Variants in NIBAN1 observed in about 807,000 individuals in gnomAD.
NIBAN1 encodes the protein protein Niban 1.
In NIBAN1, 81 loss-of-function variants were observed where a neutral mutation model predicts 75.1. That is an observed-to-expected ratio of 1.08 (90% confidence interval 0.90 to 1.30). The LOEUF is 1.30. Ranked by LOEUF, NIBAN1 falls within the 50% of genes most tolerant of loss-of-function variation. The pLI, the probability that NIBAN1 is intolerant of heterozygous loss-of-function variation, is 0.00. For missense variants in NIBAN1, 1,133 were observed against 1,128.1 expected, an observed-to-expected ratio of 1.00 and a Z score of -0.06; for synonymous variants, 436 against 424.8, an observed-to-expected ratio of 1.03 and a Z score of -0.32.
intron 5 of NIBAN1, among the ~76,000 whole-genome samples, chr1:184,843,981 T>C (rs674314): frequency 0.58 from 88,064 of 152,074 alleles, 25,994 homozygotes; most frequent in African/African-American, 0.67. Context: ...GCAAGTTTAC[T>C]ACACAACTTG....
At chr1:184,810,727 A>C (rs4011648) in intron 9 of NIBAN1, among the ~76,000 whole-genome samples, 94,718 of 152,096 alleles carry the variant, frequency 0.62, 31,218 homozygotes, top group Middle Eastern at 0.76. Context: ...CTGTAAATTT[A>C]TTCTGACTGT....
Position 184,798,542 on chromosome 1 carries a change from C to T in NIBAN1, c.1555-352G>A, listed in dbSNP as rs1166958078. Among the ~76,000 whole-genome samples, 4 of 152,108 alleles carry T rather than the reference C, an allele frequency of 2.6e-5. No homozygotes were observed. The East Asian group carries it at 5.8e-4, about 22-fold the overall frequency. On this transcript the variant is annotated intron_variant, in intron 12 of 13. Transcript: ENST00000367511. ...GTGATTTTTTTTTATCATCTCAAGG[C>T]CTCATTAGCAGGTTTGGAGCCTCCT...
At chr1:184,798,924 T>C (rs1010238025) in intron 12 of NIBAN1, among the ~76,000 whole-genome samples, 2 of 152,354 alleles carry the variant, frequency 1.3e-5, no homozygotes, top group African/African-American at 4.8e-5. Flanking sequence ...CATTCCTTTT[T>C]ATTGTTAAGT....
intron 1 of NIBAN1, among the ~76,000 whole-genome samples, chr1:184,927,821 C>A (rs2102027569): frequency 6.6e-6 from 1 of 152,088 alleles, no homozygotes; most frequent in African/African-American, 2.4e-5. Flanking sequence ...CCTTAGGAAT[C>A]TACCTGGTGC....
chr1:184,844,198 A>G (rs1252199404), intron 5 of NIBAN1, among the ~76,000 whole-genome samples: 2 of 152,244 alleles, frequency 1.3e-5, no homozygotes, highest in Admixed American at 6.5e-5. Flanking sequence ...GCATCTTGTG[A>G]AATCAGAACA....
rs554209986 is a variant in NIBAN1 at position 184,831,848 on chromosome 1, T to C, written c.716A>G (p.Gln239Arg). 5 of 1,612,814 alleles carry C rather than the reference T, an allele frequency of 3.1e-6. No homozygotes were observed. The South Asian group carries it at 5.5e-5, about 18-fold the overall frequency. The change falls in exon 6 of 14, where the codon CAG becomes CGG. Residue 239 changes from glutamine (Q) to arginine (R), a missense_variant and splice_region_variant. Physicochemically the swap from Gln to Arg is conservative, Grantham distance 43. Transcript: ENST00000367511. ...SWEMITGDEI[Q>R]ILSNLVMEEL... is the part of the protein sequence containing the mutation. Reference sequence around the variant, plus strand: ...CCAAAATTTTGAACCCCATATTACCTGGATTTCATCCCCAGTGATCATTTC... The same window carrying C: ...CCAAAATTTTGAACCCCATATTACCCGGATTTCATCCCCAGTGATCATTTC...
chr1:184,903,909 T>C (rs919511851), intron 1 of NIBAN1, among the ~76,000 whole-genome samples: 2 of 151,616 alleles, frequency 1.3e-5, no homozygotes, highest in African/African-American at 2.4e-5. Flanking sequence ...TTATTTTTTT[T>C]TTTTTAGACA....
At chr1:184,828,465 A>T (rs571256377) in intron 6 of NIBAN1, among the ~76,000 whole-genome samples, 1 of 152,328 alleles carries the variant, frequency 6.6e-6, no homozygotes, top group South Asian at 2.1e-4. Flanking sequence ...TTCTTTAACC[A>T]CTTGGTAGCT....
At chr1:184,931,291 C>T (rs1222722304) in intron 1 of NIBAN1, among the ~76,000 whole-genome samples, 2 of 152,168 alleles carry the variant, frequency 1.3e-5, no homozygotes, top group African/African-American at 4.8e-5. Flanking sequence ...TGAGCCACCG[C>T]ACCCAGCCCT....
intron 5 of NIBAN1, among the ~76,000 whole-genome samples, chr1:184,882,980 T>C (rs1021454111): frequency 8.5e-5 from 13 of 152,332 alleles, no homozygotes; most frequent in African/African-American, 2.6e-4. Context: ...TGATGATGAA[T>C]GTTACTCAGG....
chr1:184,877,691 A>G (rs1656268093), intron 5 of NIBAN1, among the ~76,000 whole-genome samples: 1 of 152,166 alleles, frequency 6.6e-6, no homozygotes, highest in African/African-American at 2.4e-5. Context: ...GTCCTTTCAT[A>G]ATGTTGATTA....
chr1:184,972,656 A>T (rs1191179027), intron 1 of NIBAN1, among the ~76,000 whole-genome samples: 1 of 152,228 alleles, frequency 6.6e-6, no homozygotes, highest in East Asian at 1.9e-4. Flanking sequence ...AGGTTTACTC[A>T]TTCAAACACT....
In NIBAN1 at chr1:184,818,793, A is replaced by G; in HGVS notation, c.1018T>C (p.Leu340=). 1 of 1,604,006 alleles carries G rather than the reference A, an allele frequency of 6.2e-7. No homozygotes were observed. The highest frequency in any genetic ancestry group is 1.1e-5 in the South Asian group (1 of 90,430). Residue 340 remains leucine, a synonymous_variant, in exon 9 of 14, where the codon TTG becomes CTG. Transcript: ENST00000367511. Reference sequence around the variant, plus strand: ...GCCAGGAATGGCTGCACACTCTCCAAGCAGCTTTTCTCCGCCGGCTGGGCC... The same window carrying G: ...GCCAGGAATGGCTGCACACTCTCCAGGCAGCTTTTCTCCGCCGGCTGGGCC... ...MVAQPAEKSC[L]ESVQPFLASI...
intron 5 of NIBAN1, among the ~76,000 whole-genome samples, chr1:184,863,894 T>C (rs1202124818): frequency 6.6e-6 from 1 of 152,194 alleles, no homozygotes; most frequent in African/African-American, 2.4e-5. Context: ...ATCTGAAAAA[T>C]GGAGATAAAA....
chr1:184,916,072 GGATTCTTCCAGATCACTT>G (rs1421987706), intron 1 of NIBAN1, among the ~76,000 whole-genome samples: 1 of 152,112 alleles, frequency 6.6e-6, no homozygotes, highest in African/African-American at 2.4e-5. Flanking sequence ...GAATACAATG[GGATTCTTCCAGATCACTT>G]GAAGTTCTCC....
At chr1:184,909,353 T>C (rs1296962512) in intron 1 of NIBAN1, among the ~76,000 whole-genome samples, 1 of 152,168 alleles carries the variant, frequency 6.6e-6, no homozygotes, top group African/African-American at 2.4e-5. Context: ...CAGACATACA[T>C]TTGTTTGAAA....
At chr1:184,913,138 T>TATATATATATATATATG (rs1553227227) in intron 1 of NIBAN1, among the ~76,000 whole-genome samples, 24,358 of 82,468 alleles carry the variant, frequency 0.3, 2,341 homozygotes, top group East Asian at 0.42. Flanking sequence ...ATCATGCAGG[T>TATATATATATATATATG]ATATATATAT....
At chr1:184,965,205 A>T (rs1036402231) in intron 1 of NIBAN1, among the ~76,000 whole-genome samples, 2 of 152,092 alleles carry the variant, frequency 1.3e-5, no homozygotes, top group African/African-American at 4.8e-5. Flanking sequence ...AGGCTGACGC[A>T]GGAGAATGGC....
At chr1:184,940,305 C>G (rs1658057383) in intron 1 of NIBAN1, among the ~76,000 whole-genome samples, 1 of 152,202 alleles carries the variant, frequency 6.6e-6, no homozygotes, top group South Asian at 2.1e-4. Context: ...TCCACTTCCA[C>G]TGCAAAACAT....
Sources: allele counts gnomAD v4.1 joint callset (sites outside exome capture counted in the v4.1 genomes callset), GRCh38; gene constraint gnomAD v4.1.1; transcripts MANE v1.5; gene names NCBI Gene and HGNC (gene_info 2026-07-23, HGNC 2026-07-21).